KASH5: variants seen among roughly 807,000 people sequenced by gnomAD.
KASH5 encodes KASH domain containing 5, also known as protein KASH5.
In KASH5, 72 loss-of-function variants were observed where a neutral mutation model predicts 84.2. The ratio of observed to expected loss-of-function variants is 0.85; its 90% confidence interval spans 0.71 to 1.04. The LOEUF (loss-of-function observed/expected upper bound fraction) is 1.04. KASH5 is among the 50% of genes least tolerant of loss of function. KASH5 has a pLI of 0.00. For synonymous variants in KASH5, 260 were observed against 279.1 expected, an observed-to-expected ratio of 0.93 and a Z score of 0.68; for missense variants, 650 against 701.0, an observed-to-expected ratio of 0.93 and a Z score of 0.82.
chr19:49,402,351 C>T (rs1443230602), intron 9 of KASH5, among the ~76,000 whole-genome samples: 1 of 151,508 alleles, frequency 6.6e-6, no homozygotes, highest in African/African-American at 2.4e-5. Flanking sequence ...AGTTCGAGAC[C>T]AACCTAGGCA....
Position 49,399,395 on chromosome 19 carries a change from G to A in KASH5, c.748-62G>A. On this transcript the variant is annotated intron_variant, in intron 8 of 19. Coordinates refer to ENST00000447857, the MANE Select transcript of KASH5 (RefSeq NM_144688.5). The surrounding 1 kb of genome is among the most constrained non-coding windows in gnomAD (Gnocchi z 4.4). ...GGTTGTGTTTTCAGGGGTGGGAGAA[G>A]GGCAACATGGGGGCAAGGAGGCTAG... 6.6e-7 allele frequency: 1 copy of A among 1,515,782 alleles called. No homozygotes were observed. Among genetic ancestry groups the A allele is most frequent in the Non-Finnish European group, 9.0e-7 (1 of 1,107,500 alleles). The allele number at this position is 1,515,782 out of a possible 1,614,324, so 93.9% of individuals were successfully genotyped here.
At chr19:49,396,275 TAAG>T (rs1195261793) in intron 5 of KASH5, among the ~76,000 whole-genome samples, 1 of 125,354 alleles carries the variant, frequency 8.0e-6, no homozygotes, top group Non-Finnish European at 1.7e-5. Flanking sequence ...TTTTTTGAGA[TAAG>T]AGTTTCACTC....
rs369117540 is a variant in KASH5 at position 49,398,128 on chromosome 19, G to A, written c.614G>A (p.Arg205His). Residue 205 changes from arginine (R) to histidine (H), a missense_variant, in exon 7 of 20, where the codon CGT (arginine) becomes CAT (histidine). Arg to His is a conservative substitution (Grantham distance 29). Coordinates refer to ENST00000447857, the MANE Select transcript of KASH5 (RefSeq NM_144688.5). The stretch of plus-strand genomic sequence containing the variant: ...CTTGGGGAGGAGATCTTGGCTCTGC[G>A]TAAGCAGCTTCACAGGTGGGCTGGA... ...ARLGEEILAL[R>H]KQLHSTQQAL... 3.2e-5 allele frequency: 51 copies of A among 1,584,766 alleles called. No individual in the cohort carries two copies. Among genetic ancestry groups the A allele is most frequent in the South Asian group, 2.0e-4 (18 of 88,454 alleles).
chr19:49,392,202 A>G (rs1475342110), intron 2 of KASH5, among the ~76,000 whole-genome samples: 2 of 152,134 alleles, frequency 1.3e-5, no homozygotes, highest in Non-Finnish European at 2.9e-5. Context: ...ACAGCAGAGG[A>G]AGGAAAGAGA....
rs888113571 is a variant in KASH5 at position 49,409,780 on chromosome 19, T to C, written c.1174T>C (p.Ser392Pro). The C allele has an allele frequency of 5.0e-6, 8 of 1,613,840 alleles. No individual in the cohort carries two copies. In the African/African-American group the frequency reaches 1.1e-4, roughly 22 times the overall value. Reference sequence around the variant, plus strand: ...ACAGGAAGTGGCAACTGCTGATCTCTCCAACCCTCTGTGTGGGGTGTGGCA... The same window carrying C: ...ACAGGAAGTGGCAACTGCTGATCTCCCCAACCCTCTGTGTGGGGTGTGGCA... ...QKQEVATADLSNPLCGVWQWE... is the reference protein window; with the variant it reads ...QKQEVATADLPNPLCGVWQWE... Residue 392 changes from serine to proline, a missense_variant, in exon 15 of 20, where the codon TCC becomes CCC. Physicochemically the swap from Ser to Pro is moderately conservative, Grantham distance 74. Transcript: ENST00000447857.
rs975503217 is a variant in KASH5, at chr19:49,405,180, G to A, written c.799-1706G>A. ...CAAAATGAAAAAGGAGCACAGGCCC[G>A]GTGCAGTGGCTCACCCCTGTAATCC... On this transcript the variant is annotated intron_variant, in intron 9 of 19. Coordinates refer to ENST00000447857, the MANE Select transcript of KASH5 (RefSeq NM_144688.5). Among the ~76,000 whole-genome samples, 12 of 152,010 alleles carry A rather than the reference G, an allele frequency of 7.9e-5. No individual in the cohort carries two copies. The South Asian group carries it at 8.3e-4, about 11-fold the overall frequency.
intron 2 of KASH5, among the ~76,000 whole-genome samples, chr19:49,393,188 G>A (rs766568592): frequency 1.3e-5 from 2 of 152,128 alleles, no homozygotes; most frequent in Non-Finnish European, 2.9e-5. Flanking sequence ...TAATAGCATC[G>A]ATTATTATTA....
chr19:49,405,326 G>A (rs369131614), intron 9 of KASH5, among the ~76,000 whole-genome samples: 19 of 151,734 alleles, frequency 1.3e-4, no homozygotes, highest in African/African-American at 4.6e-4. Flanking sequence ...GTGTGATGGC[G>A]TGTGCCCGTA....
rs1974744293 is a variant in KASH5, at chr19:49,412,267, G to A, written c.1270-701G>A. On this transcript the variant is annotated intron_variant, in intron 15 of 19. Transcript: ENST00000447857. The surrounding 1 kb of genome is among the most constrained non-coding windows in gnomAD (Gnocchi z 4.6). ...TGGTGATGAAGCCTGAGCCAGGCCAGGGCCCTAGGGATGGAGGAAAAGGGA... is the reference window on the plus strand; with the variant it reads ...TGGTGATGAAGCCTGAGCCAGGCCAAGGCCCTAGGGATGGAGGAAAAGGGA... Among the ~76,000 whole-genome samples, 1 of 152,172 alleles carries A rather than the reference G, an allele frequency of 6.6e-6. No homozygotes were observed. Among genetic ancestry groups the A allele is most frequent in the Non-Finnish European group, 1.5e-5 (1 of 68,026 alleles).
intron 2 of KASH5, among the ~76,000 whole-genome samples, chr19:49,392,041 C>T (rs1399869809): frequency 6.6e-6 from 1 of 152,136 alleles, no homozygotes; most frequent in African/African-American, 2.4e-5. Flanking sequence ...CTAGTGACAG[C>T]CATCTAAACT....
In KASH5 at chr19:49,417,599, T is replaced by G; in HGVS notation, c.*89T>G. The G allele has an allele frequency of 7.0e-7, 1 of 1,423,890 alleles. No homozygotes were observed. The highest frequency in any genetic ancestry group is 2.5e-5 in the East Asian group (1 of 39,676). 88.2% of individuals were successfully genotyped at this position (1,423,890 alleles called of 1,614,324 possible). A position where few individuals can be genotyped will look rare whatever the true frequency, so the allele number is the denominator to read the frequency against. On this transcript the variant is annotated 3_prime_UTR_variant, in exon 20 of 20. Transcript: ENST00000447857. This position sits in a 1 kb window ranked among gnomAD's most constrained non-coding sequence, Gnocchi z 5.2. ...GGGATCCCCATTGTTAGTCCACTGT[T>G]GCGCAGGCTTACCCTAGATAGAGTA...
At chr19:49,390,957 G>A (rs756777863) in intron 2 of KASH5, 31 bp downstream of exon 2, 94 of 1,603,544 alleles carry the variant, frequency 5.9e-5, no homozygotes, top group Non-Finnish European at 7.4e-5. Flanking sequence ...TTGCCCCGGG[G>A]AGGGTGAGGA....
At position 49,395,692 on chromosome 19, in the gene KASH5, G is replaced by T; in HGVS notation, c.336-77G>T. On this transcript the variant is annotated intron_variant, in intron 4 of 19. Coordinates refer to ENST00000447857, the MANE Select transcript of KASH5 (RefSeq NM_144688.5). The surrounding 1 kb of genome is among the most constrained non-coding windows in gnomAD (Gnocchi z 4.4). ...CTGACCCGGTCCCCTCCTCCCACCT[G>T]CAATCCCCCTGCCTGTGGCTGGTGA... 3 of 1,448,422 alleles carry T rather than the reference G, an allele frequency of 2.1e-6. 1 individual carries two copies. Among genetic ancestry groups the T allele is most frequent in the South Asian group, 2.5e-5 (2 of 81,342 alleles). 89.7% of individuals were successfully genotyped at this position (1,448,422 alleles called of 1,614,324 possible). A position where few individuals can be genotyped will look rare whatever the true frequency, so the allele number is the denominator to read the frequency against.
chr19:49,413,682 G>C (rs1184197641), intron 16 of KASH5, among the ~76,000 whole-genome samples: 3 of 152,180 alleles, frequency 2.0e-5, no homozygotes, highest in Admixed American at 1.3e-4. Flanking sequence ...CTGAGCAGTA[G>C]TGGAAGTGGG....
rs1233012016 is a variant in KASH5 at position 49,416,255 on chromosome 19, C to T, written c.1375-760C>T. Among the ~76,000 whole-genome samples the T allele has an allele frequency of 3.9e-5, 6 of 152,110 alleles. No individual in the cohort carries two copies. The highest frequency in any genetic ancestry group is 2.1e-4 in the South Asian group (1 of 4,824). On this transcript the variant is annotated intron_variant, in intron 17 of 19. Transcript: ENST00000447857. This position sits in a 1 kb window ranked among gnomAD's most constrained non-coding sequence, Gnocchi z 5.4. ...GTCGCCAGGCTGGAGTGCAGTGGTG[C>T]GATCTCGGCTCACTGCAAGCTCCAC... is the stretch of plus-strand genomic sequence containing the variant.
Position 49,390,849 on chromosome 19 carries a change from C to A in KASH5, c.-35C>A. On this transcript the variant is annotated 5_prime_UTR_variant, in exon 2 of 20. Coordinates refer to ENST00000447857, the MANE Select transcript of KASH5 (RefSeq NM_144688.5). Reference sequence around the variant, plus strand: ...CCCCATGAAGGAGGGAGGCTGGTAGCTTTGCCAGCAGCTGCGCCGCGGCAG... The same window carrying A: ...CCCCATGAAGGAGGGAGGCTGGTAGATTTGCCAGCAGCTGCGCCGCGGCAG... 1.3e-6 allele frequency: 2 copies of A among 1,580,064 alleles called. No homozygotes were observed. The highest frequency in any genetic ancestry group is 1.9e-5 in the Admixed American group (1 of 52,408).
chr19:49,405,047 C>T (rs1003433807), intron 9 of KASH5, among the ~76,000 whole-genome samples: 1 of 152,076 alleles, frequency 6.6e-6, no homozygotes, highest in African/African-American at 2.4e-5. Flanking sequence ...GTGGAGGGGG[C>T]AGAAATTACT....
chr19:49,404,249 G>A (rs1974456200), intron 9 of KASH5, among the ~76,000 whole-genome samples: 1 of 152,188 alleles, frequency 6.6e-6, no homozygotes. Context: ...GTGCCAAGAG[G>A]AGGGGCGTGG....
intron 15 of KASH5, among the ~76,000 whole-genome samples, chr19:49,410,659 A>AT (rs1380167532): frequency 5.3e-5 from 8 of 151,338 alleles, no homozygotes; most frequent in East Asian, 1.9e-4. Flanking sequence ...TAATTTTTGT[A>AT]TTTTTTTTAG....
Sources: allele counts gnomAD v4.1 joint callset (sites outside exome capture counted in the v4.1 genomes callset), GRCh38; gene constraint gnomAD v4.1.1; non-coding constraint Gnocchi (gnomAD v3.1); transcripts MANE v1.5; gene names NCBI Gene and HGNC (gene_info 2026-07-23, HGNC 2026-07-21).